PEX5L: variants seen among roughly 807,000 people sequenced by gnomAD.
PEX5L encodes the protein peroxisomal biogenesis factor 5 like, also known as PEX5-related protein.
A neutral mutation model predicts 84.0 loss-of-function variants in PEX5L; 30 were observed. That is an observed-to-expected ratio of 0.36 (90% CI 0.27 to 0.48). The LOEUF is 0.48. Ranked by LOEUF, PEX5L falls within the 20% of genes least tolerant of loss-of-function variation. The pLI is 0.99. For synonymous variants in PEX5L, 270 were observed against 283.1 expected, an observed-to-expected ratio of 0.95 and a Z score of 0.46; for missense variants, 533 against 754.6, an observed-to-expected ratio of 0.71 and a Z score of 3.44.
rs1392709342 is a variant in PEX5L at position 179,797,468 on chromosome 3, T to G, written c.*4360A>C. ...TATCTTGCATGCTTTGGTTAATATT[T>G]GAGTAGGCAAATTTGCAATACTAAT... is the stretch of plus-strand genomic sequence containing the variant. On this transcript the variant is annotated 3_prime_UTR_variant, in exon 15 of 15. Transcript: ENST00000467460. The G allele has an allele frequency of 6.6e-6, 1 of 151,980 alleles. No individual in the cohort carries two copies. The highest frequency in any genetic ancestry group is 1.5e-5 in the Non-Finnish European group (1 of 67,990). 9.4% of individuals were successfully genotyped at this position (151,980 alleles called of 1,614,324 possible). A position where few individuals can be genotyped will look rare whatever the true frequency, so the allele number is the denominator to read the frequency against.
chr3:179,944,123 G>T (rs1363544021), intron 2 of PEX5L, among the ~76,000 whole-genome samples: 21 of 152,114 alleles, frequency 1.4e-4, no homozygotes. Context: ...TGTCCGGGTA[G>T]TTCATCAGGA....
intron 1 of PEX5L, among the ~76,000 whole-genome samples, chr3:180,015,991 TACAGAG>T (rs1789915386): frequency 1.3e-5 from 2 of 151,892 alleles, no homozygotes; most frequent in South Asian, 2.1e-4. Context: ...GGGTTTAAAC[TACAGAG>T]ACAGAGAAAT....
chr3:179,882,993 G>A (rs2108801882), intron 4 of PEX5L, among the ~76,000 whole-genome samples: 1 of 152,252 alleles, frequency 6.6e-6, no homozygotes, highest in South Asian at 2.1e-4. Context: ...CAGCTACTCG[G>A]GAGACTAGGT....
chr3:179,930,096 C>T (rs183930742), intron 2 of PEX5L, among the ~76,000 whole-genome samples: 118 of 152,232 alleles, frequency 7.8e-4, no homozygotes, highest in Non-Finnish European at 6.9e-4. Context: ...TTCTTCGGCC[C>T]CACTCAAACC....
At chr3:179,881,511 T>C (rs1754158123) in intron 4 of PEX5L, 1 of 152,214 alleles carries the variant, frequency 6.6e-6, no homozygotes, top group Non-Finnish European at 1.5e-5. Flanking sequence ...GGGGAATTAA[T>C]TGTCTTTTAG....
At chr3:179,951,540 G>C (rs369796380) in intron 2 of PEX5L, among the ~76,000 whole-genome samples, 2 of 151,984 alleles carry the variant, frequency 1.3e-5, no homozygotes, top group East Asian at 1.9e-4. Context: ...TTGCTGCCTC[G>C]AACTCAGAGA....
At chr3:179,861,517 T>C (rs1201813249) in intron 7 of PEX5L, among the ~76,000 whole-genome samples, 1 of 152,074 alleles carries the variant, frequency 6.6e-6, no homozygotes, top group Non-Finnish European at 1.5e-5. Context: ...GTGTCTGTGG[T>C]CAGAAGAGGG....
intron 1 of PEX5L, among the ~76,000 whole-genome samples, chr3:179,992,822 G>A (rs1787499364): frequency 6.6e-6 from 1 of 152,072 alleles, no homozygotes; most frequent in African/African-American, 2.4e-5. Flanking sequence ...ACTTTATGAA[G>A]AAGACTTCAT....
chr3:180,023,553 G>A (rs1421871764), intron 1 of PEX5L, among the ~76,000 whole-genome samples: 3 of 152,006 alleles, frequency 2.0e-5, no homozygotes, highest in African/African-American at 2.4e-5. Context: ...TGGGGGAATC[G>A]GCCCTGACCA....
intron 7 of PEX5L, among the ~76,000 whole-genome samples, chr3:179,869,272 T>C (rs1749452902): frequency 6.6e-6 from 1 of 152,228 alleles, no homozygotes; most frequent in Non-Finnish European, 1.5e-5. Flanking sequence ...GAATTATTTT[T>C]CTTTTGCCTC....
chr3:179,997,422 T>C (rs559593047), intron 1 of PEX5L, among the ~76,000 whole-genome samples: 51 of 152,314 alleles, frequency 3.3e-4, no homozygotes, highest in African/African-American at 9.4e-4. Context: ...TAGACATGCT[T>C]AGCTGGCAGA....
chr3:179,910,033 C>T (rs991189410), intron 2 of PEX5L, among the ~76,000 whole-genome samples: 10 of 152,176 alleles, frequency 6.6e-5, no homozygotes, highest in East Asian at 3.8e-4. Flanking sequence ...GACTACGAAG[C>T]GGTCTTACTC....
intron 8 of PEX5L, among the ~76,000 whole-genome samples, chr3:179,844,423 A>C (rs765634157): frequency 2.0e-5 from 3 of 152,244 alleles, no homozygotes; most frequent in Admixed American, 2.0e-4. Flanking sequence ...TTCAGTGTCT[A>C]TTCATGATAG....
At chr3:179,813,664 A>ATTTTTTTT in intron 10 of PEX5L, among the ~76,000 whole-genome samples, 1 of 96,420 alleles carries the variant, frequency 1.0e-5, no homozygotes, top group Non-Finnish European at 2.0e-5. Context: ...CACTCAACTA[A>ATTTTTTTT]TTTTTTTTTT....
At chr3:179,946,647 T>TAGAG (rs1481853540) in intron 2 of PEX5L, among the ~76,000 whole-genome samples, 4 of 152,218 alleles carry the variant, frequency 2.6e-5, no homozygotes, top group African/African-American at 9.6e-5. Context: ...GCAGAAGCTC[T>TAGAG]AGTGAGGTAC....
rs73885958 is a variant in PEX5L at position 179,852,041 on chromosome 3, C to T, written c.822+7021G>A. Among the ~76,000 whole-genome samples, 701 of 152,202 alleles carry T rather than the reference C, an allele frequency of 4.6e-3. 3 individuals carry two copies. The highest frequency in any genetic ancestry group is 0.016 in the African/African-American group (665 of 41,516). ...GCTGGGGACTGTGAGGAGTAGTTAT[C>T]GAATGCTGCTTAACAAATCACCATA... On this transcript the variant is annotated intron_variant, in intron 8 of 14. Coordinates refer to ENST00000467460, the MANE Select transcript of PEX5L (RefSeq NM_016559.3).
intron 2 of PEX5L, among the ~76,000 whole-genome samples, chr3:179,963,212 C>T (rs956200825): frequency 1.1e-4 from 16 of 146,842 alleles, no homozygotes; most frequent in Non-Finnish European, 2.4e-4. Context: ...GTGCTTGTTA[C>T]TCAACAATGC....
chr3:179,840,597 G>C (rs1431768653), intron 8 of PEX5L, among the ~76,000 whole-genome samples: 1 of 152,096 alleles, frequency 6.6e-6, no homozygotes, highest in Non-Finnish European at 1.5e-5. Context: ...CTGAAAGGTG[G>C]GAGACAAAGT....
chr3:179,883,012 T>C (rs1754626760), intron 4 of PEX5L, among the ~76,000 whole-genome samples: 1 of 152,156 alleles, frequency 6.6e-6, no homozygotes, highest in African/African-American at 2.4e-5. Flanking sequence ...GTGGGAGGAC[T>C]GCTTTAGCCC....
Sources: gnomAD v4.1 joint callset for allele counts (sites outside exome capture counted in the v4.1 genomes callset) on GRCh38, gnomAD v4.1.1 for gene constraint, MANE v1.5 for transcripts, NCBI Gene and HGNC (gene_info 2026-07-23, HGNC 2026-07-21) for gene names.